Variants in MAP3K20 observed in about 807,000 individuals in gnomAD.
MAP3K20 encodes mitogen-activated protein kinase kinase kinase 20.
In MAP3K20, 40 loss-of-function variants were observed where a neutral mutation model predicts 85.7. The ratio of observed to expected loss-of-function variants is 0.47; its 90% CI spans 0.36 to 0.61. The LOEUF (loss-of-function observed/expected upper bound fraction) is 0.61. Ranked by LOEUF, MAP3K20 falls within the 20% of genes least tolerant of loss-of-function variation. The probability of loss-of-function intolerance (pLI) is 0.00; values close to 1 mark genes in which losing one functional copy is unlikely to be tolerated. For missense variants in MAP3K20, 817 were observed against 961.7 expected (o/e 0.85, Z 1.99); for synonymous variants, 325 against 327.7 (o/e 0.99, Z 0.09).
At chr2:173,265,930 C>G in intron 19 of MAP3K20, 120 bp from the exon 20 acceptor site, 1 of 1,003,098 alleles carries the variant, frequency 1.0e-6, no homozygotes, top group African/African-American at 1.6e-5. Context: ...CCTAGAATTT[C>G]TATGAATGGT....
chr2:173,254,057 T>C, intron 16 of MAP3K20, among the ~76,000 whole-genome samples: 1 of 118,004 alleles, frequency 8.5e-6, no homozygotes, highest in South Asian at 2.9e-4. Flanking sequence ...GGTGACAGAG[T>C]AAGAACCTGT....
rs925863146 is a variant in MAP3K20 at position 173,226,025 on chromosome 2, C to T, written c.988-3664C>T. Reference sequence around the variant, plus strand: ...ATTACATTTTACTATTTTACATAACCAGTGAAAAGACGTTGAAAGCCTACA... The same window carrying T: ...ATTACATTTTACTATTTTACATAACTAGTGAAAAGACGTTGAAAGCCTACA... On this transcript the variant is annotated intron_variant, in intron 11 of 19. Coordinates refer to ENST00000375213, the MANE Select transcript of MAP3K20 (RefSeq NM_016653.3). The T allele has an allele frequency of 3.0e-6, 3 of 985,294 alleles. No individual in the cohort carries two copies. The African/African-American group carries it at 5.2e-5, about 17-fold the overall frequency. The allele number at this position is 985,294 out of a possible 1,614,324, so 61.0% of individuals were successfully genotyped here. A position where few individuals can be genotyped will look rare whatever the true frequency, so the allele number is the denominator to read the frequency against.
intron 2 of MAP3K20, chr2:173,166,917 T>G (rs999128412): frequency 2.7e-5 from 4 of 147,370 alleles, no homozygotes; most frequent in Non-Finnish European, 6.0e-5. Context: ...TCTGTTTTTT[T>G]TTTTTTTTTT....
intron 3 of MAP3K20, among the ~76,000 whole-genome samples, chr2:173,176,047 A>AT (rs1219111705): frequency 2.0e-5 from 3 of 151,992 alleles, no homozygotes; most frequent in African/African-American, 7.3e-5. Context: ...TTAGCGAGAT[A>AT]TAGTGTTTAA....
chr2:173,199,040 A>G (rs939155630), intron 8 of MAP3K20, among the ~76,000 whole-genome samples: 1 of 152,226 alleles, frequency 6.6e-6, no homozygotes, highest in Non-Finnish European at 1.5e-5. Flanking sequence ...TTCATTTCCA[A>G]ATCTTATCTG....
rs557073666 is a variant in MAP3K20, at chr2:173,223,426, G to A, written c.987+6176G>A. 6.1e-5 allele frequency: 60 copies of A among 980,188 alleles called. No individual in the cohort carries two copies. In the African/African-American group the frequency reaches 6.8e-4, roughly 11 times the overall value. 60.7% of individuals were successfully genotyped at this position (980,188 alleles called of 1,614,324 possible). A position where few individuals can be genotyped will look rare whatever the true frequency, so the allele number is the denominator to read the frequency against. Reference sequence around the variant, plus strand: ...CACTTTAACACAGCACCAGGCCCACGGAAAGTGGCTAATGTTAGCTACTAT... The same window carrying A: ...CACTTTAACACAGCACCAGGCCCACAGAAAGTGGCTAATGTTAGCTACTAT... On this transcript the variant is annotated intron_variant, in intron 11 of 19. Coordinates refer to ENST00000375213, the MANE Select transcript of MAP3K20 (RefSeq NM_016653.3).
intron 9 of MAP3K20, among the ~76,000 whole-genome samples, chr2:173,205,813 G>A (rs1490674232): frequency 6.6e-6 from 1 of 152,048 alleles, no homozygotes; most frequent in Non-Finnish European, 1.5e-5. Flanking sequence ...ATTAGTATTT[G>A]ATGACACAGT....
At chr2:173,093,272 A>G (rs945376884) in intron 2 of MAP3K20, among the ~76,000 whole-genome samples, 2 of 152,244 alleles carry the variant, frequency 1.3e-5, no homozygotes, top group African/African-American at 4.8e-5. Context: ...TTCCAAATTT[A>G]TAGATCCAGT....
chr2:173,091,335 T>C (rs1438407706), intron 2 of MAP3K20, 145 bp downstream of exon 2: 3 of 762,858 alleles, frequency 3.9e-6, no homozygotes, highest in African/African-American at 3.5e-5. Flanking sequence ...ATTTCCATTC[T>C]GGGAGCCCCA....
intron 2 of MAP3K20, among the ~76,000 whole-genome samples, chr2:173,162,687 C>CA (rs10708654): frequency 0.08 from 8,672 of 108,566 alleles, 879 homozygotes; most frequent in East Asian, 0.58. Context: ...ACTCCGTCTC[C>CA]AAAAAAAAAA....
At chr2:173,248,405 A>G (rs1162217546) in intron 16 of MAP3K20, among the ~76,000 whole-genome samples, 1 of 152,244 alleles carries the variant, frequency 6.6e-6, no homozygotes, top group Non-Finnish European at 1.5e-5. Flanking sequence ...ATATCTCAAT[A>G]AAGTGGTTTT....
At chr2:173,080,457 C>T (rs1407937683) in intron 1 of MAP3K20, among the ~76,000 whole-genome samples, 2 of 152,134 alleles carry the variant, frequency 1.3e-5, no homozygotes, top group Non-Finnish European at 2.9e-5. Flanking sequence ...AGGTACATGG[C>T]TCTGGCATCT....
intron 16 of MAP3K20, among the ~76,000 whole-genome samples, chr2:173,246,621 T>C (rs1684920438): frequency 6.6e-6 from 1 of 152,162 alleles, no homozygotes; most frequent in Non-Finnish European, 1.5e-5. Flanking sequence ...TCATAAAAAT[T>C]CAAAAGCAGA....
intron 2 of MAP3K20, among the ~76,000 whole-genome samples, chr2:173,109,911 A>C (rs989821816): frequency 7.9e-5 from 12 of 152,002 alleles, no homozygotes; most frequent in Non-Finnish European, 1.6e-4. Flanking sequence ...ATTTTTTAAA[A>C]AATGAAAACC....
At chr2:173,122,735 A>C (rs908267853) in intron 2 of MAP3K20, among the ~76,000 whole-genome samples, 1 of 152,190 alleles carries the variant, frequency 6.6e-6, no homozygotes, top group Non-Finnish European at 1.5e-5. Context: ...TAGGGACTGC[A>C]GGATAAATTA....
intron 2 of MAP3K20, among the ~76,000 whole-genome samples, chr2:173,101,674 A>G (rs1687642887): frequency 6.6e-6 from 1 of 152,198 alleles, no homozygotes. Context: ...AAATTGGAGG[A>G]GAGAAAAAGC....
intron 11 of MAP3K20, chr2:173,222,664 T>A: frequency 2.0e-6 from 2 of 985,038 alleles, no homozygotes; most frequent in Non-Finnish European, 2.4e-6. Context: ...AAATTAAATA[T>A]TATAAAAGAA....
At chr2:173,075,801 G>A (rs1686829654), upstream of MAP3K20, 1 of 985,504 alleles carries the variant, frequency 1.0e-6, no homozygotes, top group Non-Finnish European at 1.2e-6. Flanking sequence ...CGGCCCAGCC[G>A]TTTCGCGCCG....
At chr2:173,162,297 G>C (rs1411647276) in intron 2 of MAP3K20, among the ~76,000 whole-genome samples, 1 of 152,118 alleles carries the variant, frequency 6.6e-6, no homozygotes, top group East Asian at 1.9e-4. Flanking sequence ...CTTGGATGTA[G>C]AGTGCAGTGA....
Sources: allele counts gnomAD v4.1 joint callset (sites outside exome capture counted in the v4.1 genomes callset), GRCh38; gene constraint gnomAD v4.1.1; transcripts MANE v1.5; gene names NCBI Gene and HGNC (gene_info 2026-07-23, HGNC 2026-07-21).